Variants in HPD observed in about 807,000 individuals in gnomAD.
HPD encodes the protein 4-hydroxyphenylpyruvic acid oxidase.
HPD carries 35 observed loss-of-function variants against 56.9 expected under a neutral mutation model. That is an observed-to-expected ratio of 0.62 (90% CI 0.47 to 0.82). The LOEUF (loss-of-function observed/expected upper bound fraction) is 0.82. HPD is among the 40% of genes least tolerant of loss of function. The pLI, the probability that HPD is intolerant of heterozygous loss-of-function variation, is 0.00. For synonymous variants in HPD, 186 were observed against 200.2 expected, an observed-to-expected ratio of 0.93 and a Z score of 0.60; for missense variants, 442 against 506.8, an observed-to-expected ratio of 0.87 and a Z score of 1.23.
Position 121,847,178 on chromosome 12 carries a change from G to A in HPD, c.633C>T (p.Ser211=), listed in dbSNP as rs749662591. The A allele has an allele frequency of 2.2e-5, 35 of 1,613,998 alleles. No homozygotes were observed. Among genetic ancestry groups the A allele is most frequent in the Non-Finnish European group, 2.3e-5 (27 of 1,180,022 alleles). ...CCGTGTGCACCTGCGTGTCATCCAC[G>A]GACCAGAAGCGGTGGAACTGCAGGT... is the stretch of plus-strand genomic sequence containing the variant. ...LKNLQFHRFW[S]VDDTQVHTEY... Residue 211 remains serine (S), a synonymous_variant, in exon 10 of 14, where the codon TCC becomes TCT. Transcript: ENST00000289004.
intron 11 of HPD, among the ~76,000 whole-genome samples, chr12:121,844,838 G>A (rs145208338): frequency 0.018 from 2,744 of 151,284 alleles, 84 homozygotes; most frequent in African/African-American, 0.063. Context: ...CCGAGATCGC[G>A]TCACTGCAAT....
intron 12 of HPD, among the ~76,000 whole-genome samples, 172 bp downstream of exon 12, chr12:121,843,530 CTTTTATTG>C (rs1356421763): frequency 6.6e-6 from 1 of 152,216 alleles, no homozygotes; most frequent in Non-Finnish European, 1.5e-5. Flanking sequence ...TCTGACCGTG[CTTTTATTG>C]TTTATTTGTT....
chr12:121,853,762 G>A (rs1386615064), intron 7 of HPD, among the ~76,000 whole-genome samples: 1 of 150,798 alleles, frequency 6.6e-6, no homozygotes, highest in Non-Finnish European at 1.5e-5. Flanking sequence ...TGGCCAACAT[G>A]GCAAAACCCT....
intron 7 of HPD, chr12:121,850,084 T>C (rs1877715457): frequency 2.4e-6 from 1 of 409,314 alleles, no homozygotes; most frequent in East Asian, 5.5e-5. Flanking sequence ...TTTATTTCAG[T>C]AGGTCAACTA....
At chr12:121,858,565 A>C in intron 2 of HPD, 122 bp downstream of exon 2, 1 of 985,706 alleles carries the variant, frequency 1.0e-6, no homozygotes, top group Non-Finnish European at 1.6e-6. Context: ...GTGTGCAGGC[A>C]TGCACGTCAT....
chr12:121,860,992 G>A (rs1301774189), upstream of HPD, among the ~76,000 whole-genome samples: 1 of 152,130 alleles, frequency 6.6e-6, no homozygotes, highest in Non-Finnish European at 1.5e-5. Context: ...TTGAGGTTAG[G>A]TGTTCGAGAC....
intron 7 of HPD, among the ~76,000 whole-genome samples, chr12:121,850,249 G>A (rs1454570569): frequency 2.6e-5 from 4 of 151,878 alleles, no homozygotes; most frequent in African/African-American, 9.7e-5. Context: ...GTGAAATCCT[G>A]TCTCTACTAA....
chr12:121,845,677 C>G (rs796604472), intron 11 of HPD, among the ~76,000 whole-genome samples: 1 of 151,990 alleles, frequency 6.6e-6, no homozygotes, highest in African/African-American at 2.4e-5. Context: ...CTCAAGCAGT[C>G]CTCCTGCCTC....
upstream of HPD, among the ~76,000 whole-genome samples, chr12:121,859,886 T>G (rs11043219): frequency 6.6e-5 from 10 of 152,052 alleles, no homozygotes; most frequent in South Asian, 2.1e-3. Flanking sequence ...GGGCCGGGGG[T>G]GGTGGCTCAC....
At chr12:121,887,177 G>C in the HPD span, among the ~76,000 whole-genome samples, 1 of 151,732 alleles carries the variant, frequency 6.6e-6, no homozygotes, top group Non-Finnish European at 1.5e-5. Flanking sequence ...TGGGATTACA[G>C]GTGTGAATCA....
chr12:121,847,255 C>T, intron 9 of HPD, 41 bp from the exon 10 acceptor site: 1 of 1,600,460 alleles, frequency 6.2e-7, no homozygotes, highest in African/African-American at 1.3e-5. Flanking sequence ...CTGAGCGCCT[C>T]CAGGGACGGC....
intron 6 of HPD, 168 bp downstream of exon 6, chr12:121,856,156 G>C: frequency 1.4e-6 from 1 of 697,206 alleles, no homozygotes; most frequent in South Asian, 1.5e-5. Flanking sequence ...TTGTCACTGT[G>C]ATGCAGCATC....
the HPD span, among the ~76,000 whole-genome samples, chr12:121,869,593 C>T: frequency 8.0e-5 from 12 of 149,636 alleles, no homozygotes; most frequent in Non-Finnish European, 1.0e-4. Flanking sequence ...CAGTGGCTCT[C>T]GGCCCACTGC....
In HPD at chr12:121,846,159, G is replaced by A. The variant is rs532547794; in HGVS notation, c.831+703C>T. Among the ~76,000 whole-genome samples, 8 of 152,138 alleles carry A rather than the reference G, an allele frequency of 5.3e-5. No homozygotes were observed. The East Asian group carries it at 5.8e-4, about 11-fold the overall frequency. On this transcript the variant is annotated intron_variant, in intron 11 of 13. Coordinates refer to ENST00000289004, the MANE Select transcript of HPD (RefSeq NM_002150.3). Reference sequence around the variant, plus strand: ...AACAATCCTTCTGCTTTGGCCTCCCGTGTAGTTGGGACTACAGGCATAAGC... The same window carrying A: ...AACAATCCTTCTGCTTTGGCCTCCCATGTAGTTGGGACTACAGGCATAAGC...
upstream of HPD, among the ~76,000 whole-genome samples, chr12:121,860,732 C>A (rs1158480174): frequency 1.3e-5 from 2 of 152,130 alleles, no homozygotes; most frequent in South Asian, 2.1e-4. Context: ...TTGAAAATAC[C>A]CTGGTGTGCA....
intron 7 of HPD, 46 bp from the exon 8 acceptor site, chr12:121,849,836 C>T (rs903710094): frequency 1.0e-5 from 13 of 1,282,076 alleles, no homozygotes; most frequent in African/African-American, 4.4e-5. Flanking sequence ...CACCCATCCC[C>T]GCCGAGGACA....
chr12:121,839,668 C>T lies in HPD; in HGVS notation c.*60G>A, dbSNP rs577030218. On this transcript the variant is annotated 3_prime_UTR_variant, in exon 14 of 14. Coordinates refer to ENST00000289004, the MANE Select transcript of HPD (RefSeq NM_002150.3). ...GGGAGCAGCCAGTAGGGAAGTTGGG[C>T]GAGTTCCAGAATCAGGGGGCGTGGC... 1 of 1,258,300 alleles carries T rather than the reference C, an allele frequency of 7.9e-7. No individual in the cohort carries two copies. The highest frequency in any genetic ancestry group is 1.2e-6 in the Non-Finnish European group (1 of 858,274). The allele number at this position is 1,258,300 out of a possible 1,614,324, so 77.9% of individuals were successfully genotyped here.
At position 121,854,600 on chromosome 12, in the gene HPD, C is replaced by T. The variant is rs145318909; in HGVS notation, c.414+103G>A. 5.8e-3 allele frequency: 4,906 copies of T among 852,944 alleles called. 26 individuals are homozygous for T. Among genetic ancestry groups the T allele is most frequent in the Non-Finnish European group, 8.5e-3 (4,140 of 487,936 alleles). The allele number at this position is 852,944 out of a possible 1,614,324, so 52.8% of individuals were successfully genotyped here. ...AGACTTGAGGGACAATGTCTGTGCT[C>T]CAAGGCCCATGGGTGGGATGGTTTG... is the stretch of plus-strand genomic sequence containing the variant. On this transcript the variant is annotated intron_variant, in intron 7 of 13. Transcript: ENST00000289004.
At chr12:121,875,072 T>A in the HPD span, among the ~76,000 whole-genome samples, 1 of 152,196 alleles carries the variant, frequency 6.6e-6, no homozygotes, top group Non-Finnish European at 1.5e-5. Flanking sequence ...GTCACTTTCT[T>A]AAGTCTAAAA....
Sources: gnomAD v4.1 joint callset for allele counts (sites outside exome capture counted in the v4.1 genomes callset) on GRCh38, gnomAD v4.1.1 for gene constraint, MANE v1.5 for transcripts, NCBI Gene and HGNC (gene_info 2026-07-23, HGNC 2026-07-21) for gene names.